DOCK3: variants seen among roughly 807,000 people sequenced by gnomAD.
The protein encoded by DOCK3 is dedicator of cytokinesis 3.
Under a neutral mutation model 265.6 loss-of-function variants are expected in DOCK3, and 60 were observed. The observed-to-expected ratio is 0.23, with a 90% CI of 0.18 to 0.28. The LOEUF (loss-of-function observed/expected upper bound fraction) is 0.28. Among genes scored for constraint, DOCK3 ranks in the 10% least tolerant of loss-of-function variants. DOCK3 has a pLI of 1.00. For missense variants in DOCK3, 1,981 were observed against 2,594.3 expected (o/e 0.76, Z 5.14); for synonymous variants, 881 against 938.0 (o/e 0.94, Z 1.11).
intron 27 of DOCK3, among the ~76,000 whole-genome samples, chr3:51,296,479 G>GT (rs758797081): frequency 0.012 from 1,650 of 140,602 alleles, 10 homozygotes; most frequent in Middle Eastern, 0.025. Context: ...ACTTAAATTG[G>GT]TTTTTTTTTT....
Position 50,810,549 on chromosome 3 carries a change from A to T in DOCK3, c.122-31126A>T, listed in dbSNP as rs188803289. On this transcript the variant is annotated intron_variant, in intron 2 of 52. Coordinates refer to ENST00000266037, the MANE Select transcript of DOCK3 (RefSeq NM_004947.5). ...CAGAGCGACACTCCGTCTGAAAAAA[A>T]TTTTTTTTTAAATTTAGCCGTACAC... is the stretch of plus-strand genomic sequence containing the variant. 4.7e-3 allele frequency among the ~76,000 whole-genome samples: 711 copies of T among 151,930 alleles called. 5 individuals carry two copies. The highest frequency in any genetic ancestry group is 0.021 in the South Asian group (100 of 4,792).
At chr3:51,026,558 T>C (rs1333764376) in intron 5 of DOCK3, among the ~76,000 whole-genome samples, 1 of 152,076 alleles carries the variant, frequency 6.6e-6, no homozygotes, top group African/African-American at 2.4e-5. Flanking sequence ...GTATGATTGG[T>C]ACCAGCTCTT....
intron 12 of DOCK3, among the ~76,000 whole-genome samples, chr3:51,198,842 A>G (rs899041193): frequency 1.3e-5 from 2 of 152,168 alleles, no homozygotes; most frequent in Admixed American, 6.5e-5. Flanking sequence ...CAGCCTGGAC[A>G]ACATGGTGAA....
At chr3:51,098,194 T>G (rs1420247183) in intron 9 of DOCK3, among the ~76,000 whole-genome samples, 1 of 152,196 alleles carries the variant, frequency 6.6e-6, no homozygotes, top group African/African-American at 2.4e-5. Context: ...GCAGCTGGGA[T>G]TACAGGTGCC....
At chr3:51,123,431 C>A (rs1159017424) in intron 9 of DOCK3, among the ~76,000 whole-genome samples, 1 of 152,186 alleles carries the variant, frequency 6.6e-6, no homozygotes, top group Non-Finnish European at 1.5e-5. Context: ...TCTCCAAGAC[C>A]ACCCTTAGTG....
chr3:51,286,593 C>T (rs867070899), intron 27 of DOCK3, among the ~76,000 whole-genome samples: 1 of 152,144 alleles, frequency 6.6e-6, no homozygotes, highest in African/African-American at 2.4e-5. Context: ...GTAACCAAAA[C>T]AGCATGGTAC....
Position 51,013,063 on chromosome 3 carries a change from G to T in DOCK3, c.316-51385G>T, listed in dbSNP as rs145533449. Among the ~76,000 whole-genome samples, 40 of 152,154 alleles carry T rather than the reference G, an allele frequency of 2.6e-4. No homozygotes were observed. The East Asian group carries it at 3.7e-3, about 14-fold the overall frequency. On this transcript the variant is annotated intron_variant, in intron 5 of 52. Coordinates refer to ENST00000266037, the MANE Select transcript of DOCK3 (RefSeq NM_004947.5). ...AGCCATTCATCTAATCTTTTTTCCAGATGTTTAGCTTCCTTGCAATGGGTT... is the reference window on the plus strand; with the variant it reads ...AGCCATTCATCTAATCTTTTTTCCATATGTTTAGCTTCCTTGCAATGGGTT...
chr3:51,286,370 C>T (rs1383694913), intron 27 of DOCK3, among the ~76,000 whole-genome samples: 2 of 152,074 alleles, frequency 1.3e-5, no homozygotes, highest in African/African-American at 2.4e-5. Flanking sequence ...AATGAAGAAT[C>T]AATATTGTTA....
chr3:50,868,901 G>GTTTTTTTTT (rs147898866), intron 3 of DOCK3, among the ~76,000 whole-genome samples: 8 of 14,286 alleles, frequency 5.6e-4, no homozygotes, highest in Admixed American at 1.3e-3. Flanking sequence ...TGGATAATCT[G>GTTTTTTTTT]TTTTTTTTTT....
chr3:50,847,882 CAAAAAAA>C (rs3043428), intron 3 of DOCK3, among the ~76,000 whole-genome samples: 4 of 97,618 alleles, frequency 4.1e-5, no homozygotes, highest in Admixed American at 2.7e-4. Flanking sequence ...GGCTCCATTT[CAAAAAAA>C]AAAAAAAAAA....
At chr3:51,065,116 G>A (rs1011913316) in intron 6 of DOCK3, among the ~76,000 whole-genome samples, 2 of 152,074 alleles carry the variant, frequency 1.3e-5, no homozygotes, top group African/African-American at 2.4e-5. Flanking sequence ...TGCCATACAA[G>A]TACAATTTGA....
At chr3:51,311,948 A>G in intron 28 of DOCK3, 56 bp from the exon 29 acceptor site, 1 of 1,384,022 alleles carries the variant, frequency 7.2e-7, no homozygotes, top group African/African-American at 1.4e-5. Flanking sequence ...ATACCAAGCC[A>G]TCAGATGCCA....
chr3:50,937,276 T>TA (rs60209788), intron 5 of DOCK3, among the ~76,000 whole-genome samples: 61,509 of 110,624 alleles, frequency 0.56, 17,587 homozygotes, highest in Non-Finnish European at 0.62. Context: ...AAACTCCATC[T>TA]AAAAAAAAAA....
At chr3:51,039,866 A>G (rs1213848250) in intron 5 of DOCK3, among the ~76,000 whole-genome samples, 1 of 141,296 alleles carries the variant, frequency 7.1e-6, no homozygotes, top group East Asian at 2.1e-4. Context: ...TCTGCATTAT[A>G]GCTTGTGCTT....
At chr3:51,269,840 A>AATTTCC (rs1216431169) in intron 23 of DOCK3, among the ~76,000 whole-genome samples, 3 of 152,132 alleles carry the variant, frequency 2.0e-5, no homozygotes, top group African/African-American at 7.2e-5. Context: ...TTTATGTAAA[A>AATTTCC]ATTTCCCTCA....
At position 51,312,880 on chromosome 3, in the gene DOCK3, G is replaced by C. The variant is rs538940207; in HGVS notation, c.3231G>C (p.Leu1077=). ...GDMRVMMAYE[L]FSMWQNLGEH... ...TGCGTGTAATGATGGCCTATGAACT[G>C]TTCAGCATGTGGCAGAATTTGGGTA... The change falls in exon 31 of 53, where the codon CTG becomes CTC. Residue 1077 remains leucine (L), a synonymous_variant. Transcript: ENST00000266037. 6.2e-7 allele frequency: 1 copy of C among 1,610,126 alleles called. No individual in the cohort carries two copies. Among genetic ancestry groups the C allele is most frequent in the African/African-American group, 1.3e-5 (1 of 74,994 alleles).
At chr3:51,122,715 A>G (rs551087317) in intron 9 of DOCK3, among the ~76,000 whole-genome samples, 27 of 152,338 alleles carry the variant, frequency 1.8e-4, no homozygotes, top group Non-Finnish European at 3.8e-4. Context: ...AGGAAATGGA[A>G]AAGGAAATGG....
chr3:51,191,735 G>A (rs971995401), intron 12 of DOCK3, among the ~76,000 whole-genome samples: 3 of 151,836 alleles, frequency 2.0e-5, no homozygotes, highest in Admixed American at 6.6e-5. Context: ...ATGCACTATT[G>A]TCTTTCCAAG....
intron 2 of DOCK3, among the ~76,000 whole-genome samples, chr3:50,816,762 A>G (rs1035149507): frequency 6.6e-6 from 1 of 151,328 alleles, no homozygotes; most frequent in African/African-American, 2.4e-5. Context: ...CAAGCCTTCT[A>G]TTGGATTTTT....
Sources: gnomAD v4.1 joint callset for allele counts (sites outside exome capture counted in the v4.1 genomes callset) on GRCh38, gnomAD v4.1.1 for gene constraint, MANE v1.5 for transcripts, NCBI Gene and HGNC (gene_info 2026-07-23, HGNC 2026-07-21) for gene names.